The following COL6A2 variants were observed in gnomAD, a reference collection of about 807,000 sequenced individuals.
COL6A2 encodes the protein collagen alpha-2(VI) chain.
COL6A2 carries 90 observed loss-of-function variants against 124.9 expected under a neutral mutation model. That is an observed-to-expected ratio of 0.72 (90% CI 0.61 to 0.86). The LOEUF (loss-of-function observed/expected upper bound fraction) is 0.86. COL6A2 is among the 40% of genes least tolerant of loss of function. The probability of loss-of-function intolerance (pLI) is 0.00; values close to 1 mark genes in which losing one functional copy is unlikely to be tolerated. For missense variants in COL6A2, 1,607 were observed against 1,502.5 expected (o/e 1.07, Z -1.15); for synonymous variants, 793 against 618.2 (o/e 1.28, Z -4.19).
intron 1 of COL6A2, among the ~76,000 whole-genome samples, chr21:46,099,889 C>CGTG (rs1345870090): frequency 2.2e-5 from 2 of 91,836 alleles, no homozygotes; most frequent in South Asian, 4.2e-4. Flanking sequence ...GCAGCACTGT[C>CGTG]TTTTTTTTTT....
At chr21:46,131,859 C>A (rs1335361609) in intron 27 of COL6A2, 95 bp from the exon 28 acceptor site, 26 of 1,180,332 alleles carry the variant, frequency 2.2e-5, no homozygotes, top group Non-Finnish European at 2.7e-5. Flanking sequence ...AGGTTGCAGG[C>A]AGGGTGCGAA....
chr21:46,116,926 T>TATACACAC lies in COL6A2; in HGVS notation c.999+113_999+114insTACACACA, dbSNP rs147352816. ...CAGCTTACACATGTGTACACACGCA[T>TATACACAC]ACACACACACACACACACACACACA... is the stretch of plus-strand genomic sequence containing the variant. On this transcript the variant is annotated intron_variant, in intron 10 of 27. Coordinates refer to ENST00000300527, the MANE Select transcript of COL6A2 (RefSeq NM_001849.4). This position sits in a 1 kb window ranked among gnomAD's most constrained non-coding sequence, Gnocchi z 4.6. The TATACACAC allele has an allele frequency of 3.0e-5, 19 of 638,190 alleles. No homozygotes were observed. The East Asian group carries it at 5.1e-4, about 17-fold the overall frequency. The allele number at this position is 638,190 out of a possible 1,614,324, so 39.5% of individuals were successfully genotyped here.
rs745807072 is a variant in COL6A2, at chr21:46,126,173, G to T, written c.2358G>T (p.Met786Ile). Reference protein sequence around the residue: ...ACDKPQQVRNMTLFSDLVAEK... With the variant: ...ACDKPQQVRNITLFSDLVAEK... ...ACAAGCCACAGCAGGTGCGCAACAT[G>T]ACGCTGTTCTCCGACCTGGTCGCTG... The change falls in exon 26 of 28, where the codon ATG becomes ATT. Residue 786 changes from methionine to isoleucine, a missense_variant. By Grantham distance (10) the Met-to-Ile change is conservative (BLOSUM62 1). Transcript: ENST00000300527. 6.2e-7 allele frequency: 1 copy of T among 1,608,290 alleles called. No homozygotes were observed. Among genetic ancestry groups the T allele is most frequent in the Non-Finnish European group, 8.5e-7 (1 of 1,179,972 alleles).
At position 46,116,616 on chromosome 21, in the gene COL6A2, A is replaced by G. The variant is rs1276527512; in HGVS notation, c.928-35A>G. 1 of 1,612,634 alleles carries G rather than the reference A, an allele frequency of 6.2e-7. No homozygotes were observed. Among genetic ancestry groups the G allele is most frequent in the Non-Finnish European group, 8.5e-7 (1 of 1,179,946 alleles). Reference sequence around the variant, plus strand: ...AGCAGTGCCCATGATGCTTTGAGGCACCGAGCTCACTGCGCCGGCTTTCCT... The same window carrying G: ...AGCAGTGCCCATGATGCTTTGAGGCGCCGAGCTCACTGCGCCGGCTTTCCT... On this transcript the variant is annotated intron_variant, in intron 8 of 27. Coordinates refer to ENST00000300527, the MANE Select transcript of COL6A2 (RefSeq NM_001849.4). The surrounding 1 kb of genome is among the most constrained non-coding windows in gnomAD (Gnocchi z 4.6).
Position 46,124,905 on chromosome 21 carries a change from A to C in COL6A2, c.1755A>C (p.Gly585=). ...CCCAGGGTGAGCCCGGCCCCCCTGGAGACCCCGGTCTCACGGTAGGTGTCA... is the reference window on the plus strand; with the variant it reads ...CCCAGGGTGAGCCCGGCCCCCCTGGCGACCCCGGTCTCACGGTAGGTGTCA... ...PGPEGEPGPP[G]DPGLTECDVM... Residue 585 remains glycine (G), a synonymous_variant, in exon 23 of 28, where the codon GGA becomes GGC. Coordinates refer to ENST00000300527, the MANE Select transcript of COL6A2 (RefSeq NM_001849.4). The C allele has an allele frequency of 6.2e-7, 1 of 1,612,916 alleles. No individual in the cohort carries two copies. The highest frequency in any genetic ancestry group is 1.3e-5 in the African/African-American group (1 of 75,050).
In COL6A2 at chr21:46,119,816, G is replaced by T. The variant is rs866851513; in HGVS notation, c.1298G>T (p.Gly433Val). The T allele has an allele frequency of 6.4e-7, 1 of 1,563,846 alleles. No individual in the cohort carries two copies. The highest frequency in any genetic ancestry group is 8.7e-7 in the Non-Finnish European group (1 of 1,153,734). The stretch of plus-strand genomic sequence containing the variant: ...CGCAGGGGAGACCCCGGCACCAAGG[G>T]CAGCCCAGGCAGCGATGGCCCCAAG... ...PGRRGDPGTK[G>V]SPGSDGPKGE... The change falls in exon 15 of 28, where the codon GGC becomes GTC. Residue 433 changes from glycine to valine, a missense_variant. By Grantham distance (109) the Gly-to-Val change is moderately radical. This residue lies in a region of COL6A2 where 1,223 missense variants were observed against 1,052.2 expected (regional missense o/e 1.16). Coordinates refer to ENST00000300527, the MANE Select transcript of COL6A2 (RefSeq NM_001849.4).
chr21:46,124,102 G>C (rs948206233), intron 21 of COL6A2, among the ~76,000 whole-genome samples: 5 of 151,164 alleles, frequency 3.3e-5, no homozygotes, highest in African/African-American at 1.2e-4. Flanking sequence ...GTAGAGGATG[G>C]ACGGACAGGT....
chr21:46,127,928 C>A lies in COL6A2; in HGVS notation c.2461+1387C>A, dbSNP rs75678773. On this transcript the variant is annotated intron_variant, in intron 27 of 27. Transcript: ENST00000300527. The stretch of plus-strand genomic sequence containing the variant: ...CAGTGTTGAGCCAGCCCTGCGTGCC[C>A]GGGATAAACCCACCTGGCCGTGGTG... 7.2e-5 allele frequency among the ~76,000 whole-genome samples: 11 copies of A among 152,224 alleles called. 1 individual carries two copies. The highest frequency in any genetic ancestry group is 6.5e-4 in the Admixed American group (10 of 15,282).
At chr21:46,125,398 C>T (rs1276431700) in intron 24 of COL6A2, 67 bp from the exon 25 acceptor site, 2 of 1,606,326 alleles carry the variant, frequency 1.2e-6, no homozygotes, top group Non-Finnish European at 1.7e-6. Flanking sequence ...CTGGGTCCTG[C>T]ATGTGCACGT....
At position 46,126,192 on chromosome 21, in the gene COL6A2, G is replaced by A. The variant is rs774600998; in HGVS notation, c.2377G>A (p.Val793Ile). 17 of 1,604,440 alleles carry A rather than the reference G, an allele frequency of 1.1e-5. No homozygotes were observed. The highest frequency in any genetic ancestry group is 1.4e-5 in the Non-Finnish European group (16 of 1,179,700). ...CAACATGACGCTGTTCTCCGACCTG[G>A]TCGCTGAGAAGTTCATCGATGACAT... ...VRNMTLFSDL[V>I]AEKFIDDMED... Residue 793 changes from valine (V) to isoleucine (I), a missense_variant, in exon 26 of 28, where the codon GTC becomes ATC. This residue lies in a region of COL6A2 where 1,223 missense variants were observed against 1,052.2 expected (regional missense o/e 1.16). Coordinates refer to ENST00000300527, the MANE Select transcript of COL6A2 (RefSeq NM_001849.4).
chr21:46,122,829 A>T, intron 20 of COL6A2, 46 bp from the exon 21 acceptor site: 1 of 1,565,270 alleles, frequency 6.4e-7, no homozygotes, highest in Non-Finnish European at 8.8e-7. Flanking sequence ...TGTCCCTGGT[A>T]GAGACAGCTC....
intron 13 of COL6A2, 63 bp downstream of exon 13, chr21:46,118,739 G>T (rs1225821190): frequency 6.5e-7 from 1 of 1,536,544 alleles, no homozygotes; most frequent in African/African-American, 1.4e-5. Flanking sequence ...TGGCCCAGAT[G>T]AACAGTCACG....
In COL6A2 at chr21:46,125,330, C is replaced by T; in HGVS notation, c.1816+19C>T. On this transcript the variant is annotated intron_variant, in intron 24 of 27. Transcript: ENST00000300527. ...TGCTGCGGTGAGGCACTGCCCACGG[C>T]AGGGTCGGGGCCCATGCACCGGGTG... 1 of 1,607,038 alleles carries T rather than the reference C, an allele frequency of 6.2e-7. No homozygotes were observed. The highest frequency in any genetic ancestry group is 8.5e-7 in the Non-Finnish European group (1 of 1,176,194).
chr21:46,120,096 C>G lies in COL6A2; in HGVS notation c.1332+246C>G, dbSNP rs561941815. 2.0e-5 allele frequency among the ~76,000 whole-genome samples: 3 copies of G among 148,436 alleles called. No homozygotes were observed. The East Asian group carries it at 6.0e-4, about 30-fold the overall frequency. ...TGTGCAGGCACCATTCACCCCCGGC[C>G]CACTGAGGCACCACTCACACCCCCC... On this transcript the variant is annotated intron_variant, in intron 15 of 27. Coordinates refer to ENST00000300527, the MANE Select transcript of COL6A2 (RefSeq NM_001849.4).
At position 46,132,643 on chromosome 21, in the gene COL6A2, G is replaced by A. The variant is rs964784474; in HGVS notation, c.*91G>A. The A allele has an allele frequency of 5.4e-5, 70 of 1,306,712 alleles. No homozygotes were observed. In the African/African-American group the frequency reaches 9.5e-4, roughly 18 times the overall value. 80.9% of individuals were successfully genotyped at this position (1,306,712 alleles called of 1,614,324 possible). On this transcript the variant is annotated 3_prime_UTR_variant, in exon 28 of 28. Coordinates refer to ENST00000300527, the MANE Select transcript of COL6A2 (RefSeq NM_001849.4). ...CGGGTCCCACACGGCCAGCACCGCT[G>A]CTCACTCGGACGACGCCCTGGGCCT...
intron 27 of COL6A2, chr21:46,128,789 G>A: frequency 5.7e-6 from 5 of 878,428 alleles, no homozygotes; most frequent in Non-Finnish European, 9.7e-6. Context: ...GCTGAGGAAG[G>A]GTTTACCACC....
chr21:46,118,531 G>A (rs745687425), intron 12 of COL6A2, 83 bp from the exon 13 acceptor site: 90 of 1,353,666 alleles, frequency 6.6e-5, no homozygotes, highest in Middle Eastern at 1.8e-4. Flanking sequence ...AAGCCCGACC[G>A]TGGGTCCTGC....
At chr21:46,108,447 G>A (rs542445746) in intron 1 of COL6A2, among the ~76,000 whole-genome samples, 57 of 152,146 alleles carry the variant, frequency 3.7e-4, no homozygotes, top group African/African-American at 1.2e-3. Context: ...ACTCTTAAAA[G>A]GGTCCATGAC....
intron 14 of COL6A2, among the ~76,000 whole-genome samples, chr21:46,119,540 G>A (rs903204899): frequency 5.3e-5 from 8 of 152,212 alleles, no homozygotes; most frequent in Non-Finnish European, 1.5e-5. Context: ...TCCACCTGGA[G>A]CCTCCCCAGA....
Sources: allele counts gnomAD v4.1 joint callset (sites outside exome capture counted in the v4.1 genomes callset), GRCh38; gene constraint gnomAD v4.1.1; regional missense constraint gnomAD v4.1.1; non-coding constraint Gnocchi (gnomAD v3.1); transcripts MANE v1.5; gene names NCBI Gene and HGNC (gene_info 2026-07-23, HGNC 2026-07-21).